Variants in SKIC3 observed in about 807,000 individuals in gnomAD.
The protein encoded by SKIC3 is superkiller complex protein 3.
chr5:95,548,745 A>G, the SKIC3 span: 2 of 152,104 alleles, frequency 1.3e-5, no homozygotes, highest in East Asian at 1.9e-4. Context: ...ATCAAGGATG[A>G]TGACAACTGA....
the SKIC3 span, among the ~76,000 whole-genome samples, chr5:95,554,269 A>T: frequency 6.6e-6 from 1 of 152,138 alleles, no homozygotes; most frequent in South Asian, 2.1e-4. Context: ...AAGTAGTATA[A>T]CTCCTCTTTT....
At chr5:95,554,872 T>G in the SKIC3 span, 1 of 173,598 alleles carries the variant, frequency 5.8e-6, no homozygotes, top group Non-Finnish European at 1.3e-5. Context: ...CCTTTCTTTC[T>G]CTAAGTACCA....
chr5:95,527,951 T>G, the SKIC3 span: 1 of 1,590,336 alleles, frequency 6.3e-7, no homozygotes, highest in Non-Finnish European at 8.6e-7. Flanking sequence ...AGGCAGAGAA[T>G]GGTTGTTGCC....
the SKIC3 span, chr5:95,530,348 ACT>A: frequency 4.7e-6 from 5 of 1,061,346 alleles, no homozygotes; most frequent in Non-Finnish European, 6.8e-6. Context: ...CCACATGCTG[ACT>A]CCAGAAATTC....
chr5:95,521,065 C>T, the SKIC3 span, among the ~76,000 whole-genome samples: 1 of 151,942 alleles, frequency 6.6e-6, no homozygotes, highest in African/African-American at 2.4e-5. Flanking sequence ...CCAAGAATTT[C>T]CTTGACTTTG....
the SKIC3 span, among the ~76,000 whole-genome samples, chr5:95,503,231 C>T: frequency 6.6e-6 from 1 of 152,186 alleles, no homozygotes; most frequent in African/African-American, 2.4e-5. Context: ...CAATCCCTAA[C>T]TTCTACGTTC....
At chr5:95,498,424 G>A in the SKIC3 span, 4 of 1,614,196 alleles carry the variant, frequency 2.5e-6, no homozygotes, top group Non-Finnish European at 3.4e-6. Context: ...GCCTTGGAGT[G>A]CATAAATCGC....
chr5:95,516,424 A>AT, the SKIC3 span: 43 of 1,612,602 alleles, frequency 2.7e-5, 1 homozygote, highest in South Asian at 1.8e-4. Context: ...AAAACATAAC[A>AT]TTTTTTTTCT....
chr5:95,535,383 T>C, the SKIC3 span, among the ~76,000 whole-genome samples: 1 of 144,524 alleles, frequency 6.9e-6, no homozygotes, highest in Non-Finnish European at 1.5e-5. Flanking sequence ...CTATCTCGGC[T>C]CACTGCAACC....
At chr5:95,502,809 G>A in the SKIC3 span, 14 of 1,592,298 alleles carry the variant, frequency 8.8e-6, no homozygotes, top group Middle Eastern at 2.2e-4. Context: ...AAGAACTTAC[G>A]CTTTCTCCAA....
the SKIC3 span, chr5:95,524,531 T>C: frequency 6.2e-7 from 1 of 1,613,738 alleles, no homozygotes; most frequent in African/African-American, 1.3e-5. Flanking sequence ...ACCAGTATGT[T>C]AATCCAAGTT....
At chr5:95,530,035 A>G in the SKIC3 span, 1 of 1,597,880 alleles carries the variant, frequency 6.3e-7, no homozygotes, top group Non-Finnish European at 8.5e-7. Context: ...ATAAATGCCT[A>G]CTGACTGAAT....
the SKIC3 span, chr5:95,509,631 G>A: frequency 6.2e-7 from 1 of 1,613,912 alleles, no homozygotes; most frequent in Non-Finnish European, 8.5e-7. Context: ...TTCAGTTGTA[G>A]ATGTTCGTTT....
the SKIC3 span, among the ~76,000 whole-genome samples, chr5:95,474,496 C>T: frequency 6.6e-6 from 1 of 152,196 alleles, no homozygotes; most frequent in African/African-American, 2.4e-5. Context: ...CTGCTGCTAG[C>T]CTGATGGGAT....
the SKIC3 span, among the ~76,000 whole-genome samples, chr5:95,486,561 T>G: frequency 6.6e-6 from 1 of 152,296 alleles, no homozygotes; most frequent in African/African-American, 2.4e-5. Flanking sequence ...AGGGCCCGCA[T>G]GCACCACCAG....
the SKIC3 span, among the ~76,000 whole-genome samples, chr5:95,546,503 TAA>T: frequency 6.6e-6 from 1 of 152,120 alleles, no homozygotes; most frequent in Non-Finnish European, 1.5e-5. Context: ...ACCAAATCTA[TAA>T]GCCCAACACT....
chr5:95,482,999 A>G, the SKIC3 span, among the ~76,000 whole-genome samples: 3 of 152,308 alleles, frequency 2.0e-5, no homozygotes, highest in South Asian at 2.1e-4. Context: ...ATACTGGAAT[A>G]AACTATACTA....
the SKIC3 span, among the ~76,000 whole-genome samples, chr5:95,538,534 G>C: frequency 2.6e-4 from 40 of 152,098 alleles, no homozygotes; most frequent in African/African-American, 9.6e-4. Context: ...ATCCTATATA[G>C]AGTCTATATT....
At chr5:95,541,891 A>G in the SKIC3 span, 8 of 1,612,290 alleles carry the variant, frequency 5.0e-6, no homozygotes, top group Non-Finnish European at 5.9e-6. Context: ...TATTTCTCAT[A>G]CAAGTTTGCT....
Sources: gnomAD v4.1 joint callset for allele counts (sites outside exome capture counted in the v4.1 genomes callset) on GRCh38, gnomAD v4.1.1 for gene constraint, MANE v1.5 for transcripts, NCBI Gene and HGNC (gene_info 2026-07-23, HGNC 2026-07-21) for gene names.